NUP153: variants seen among roughly 807,000 people sequenced by gnomAD.
NUP153 encodes nucleoporin 153, also known as nuclear pore complex protein Nup153.
A neutral mutation model predicts 134.6 loss-of-function variants in NUP153; 27 were observed. The ratio of observed to expected loss-of-function variants is 0.20; its 90% confidence interval spans 0.15 to 0.28. The LOEUF (loss-of-function observed/expected upper bound fraction) is 0.28, where lower values mean the gene tolerates loss of function less well. NUP153 is among the 10% of genes least tolerant of loss of function. The pLI is 1.00. For missense variants in NUP153, 1,821 were observed against 1,731.3 expected (o/e 1.05, Z -0.92); for synonymous variants, 640 against 623.5 (o/e 1.03, Z -0.40).
In NUP153 at chr6:17,706,084, C is replaced by T. The variant is rs967166227; in HGVS notation, c.111+193G>A. Among the ~76,000 whole-genome samples, 2 of 152,236 alleles carry T rather than the reference C, an allele frequency of 1.3e-5. No homozygotes were observed. The highest frequency in any genetic ancestry group is 2.9e-5 in the Non-Finnish European group (2 of 68,042). ...AGGCGGCCCAAACCACACGTGTGCG[C>T]CGCAAGGCTGGGCCTGTCTCAGCCC... is the stretch of plus-strand genomic sequence containing the variant. On this transcript the variant is annotated intron_variant, in intron 1 of 21. Coordinates refer to ENST00000262077, the MANE Select transcript of NUP153 (RefSeq NM_005124.4). The surrounding 1 kb of genome is among the most constrained non-coding windows in gnomAD (Gnocchi z 5.9).
rs1387697255 is a variant in NUP153 at position 17,695,990 on chromosome 6, CAG to C, written c.112-7374_112-7373del. ...CACCACTGCACTCCAGCCTGGGTGA[CAG>C]AGTGAGACTCCGTCTCAAAAAAAAA... On this transcript the variant is annotated intron_variant, in intron 1 of 21. Coordinates refer to ENST00000262077, the MANE Select transcript of NUP153 (RefSeq NM_005124.4). 8.6e-5 allele frequency among the ~76,000 whole-genome samples: 13 copies of C among 151,466 alleles called. No individual in the cohort carries two copies. The South Asian group carries it at 1.9e-3, about 22-fold the overall frequency.
chr6:17,698,646 G>A (rs908356917), intron 1 of NUP153, among the ~76,000 whole-genome samples: 1 of 151,610 alleles, frequency 6.6e-6, no homozygotes, highest in African/African-American at 2.4e-5. Flanking sequence ...GCTGAGGCAG[G>A]AGAATGGCGT....
chr6:17,706,311 A>G lies in NUP153; in HGVS notation c.77T>C (p.Ile26Thr), dbSNP rs1219897982. 2 of 1,613,632 alleles carry G rather than the reference A, an allele frequency of 1.2e-6. No homozygotes were observed. The highest frequency in any genetic ancestry group is 1.7e-5 in the Admixed American group (1 of 60,010). Residue 26 changes from isoleucine (I) to threonine (T), a missense_variant, in exon 1 of 22, where the codon ATT becomes ACT. Ile to Thr is a moderately conservative substitution (Grantham distance 89). Coordinates refer to ENST00000262077, the MANE Select transcript of NUP153 (RefSeq NM_005124.4). This position sits in a 1 kb window ranked among gnomAD's most constrained non-coding sequence, Gnocchi z 5.9. ...IRTRRCHQGPIKPYQQGRQQH... is the reference protein window; with the variant it reads ...IRTRRCHQGPTKPYQQGRQQH... Reference sequence around the variant, plus strand: ...TTGTCGCCCCTGCTGGTAAGGCTTAATTGGCCCCTGGTGGCAACGCCGCGT... The same window carrying G: ...TTGTCGCCCCTGCTGGTAAGGCTTAGTTGGCCCCTGGTGGCAACGCCGCGT...
At chr6:17,684,788 C>A (rs1000729973) in intron 2 of NUP153, among the ~76,000 whole-genome samples, 1 of 152,068 alleles carries the variant, frequency 6.6e-6, no homozygotes, top group African/African-American at 2.4e-5. Flanking sequence ...TACTAATTAG[C>A]CTAATTTCAA....
rs1276056431 is a variant in NUP153, at chr6:17,661,794, G to C, written c.1269-15C>G. 6.2e-7 allele frequency: 1 copy of C among 1,606,324 alleles called. No homozygotes were observed. Among genetic ancestry groups the C allele is most frequent in the East Asian group, 2.2e-5 (1 of 44,726 alleles). On this transcript the variant is annotated splice_polypyrimidine_tract_variant and intron_variant, in intron 10 of 21. Coordinates refer to ENST00000262077, the MANE Select transcript of NUP153 (RefSeq NM_005124.4). ...ATGAAAAGCCACTGGCAAATAAAAAGAAAATTAAAACAACTGATATATTAT... is the reference window on the plus strand; with the variant it reads ...ATGAAAAGCCACTGGCAAATAAAAACAAAATTAAAACAACTGATATATTAT...
At position 17,629,231 on chromosome 6, in the gene NUP153, T is replaced by C. The variant is rs1183202576; in HGVS notation, c.2968A>G (p.Ser990Gly). ...NFKFGLSSGL[S>G]NPVSLTPFQF... is the part of the protein sequence containing the mutation. ...AATGGAGTTAAAGAAACTGGGTTGC[T>C]TAAACCAGAAGAAAGTCCAAACTTA... The change falls in exon 18 of 22, where the codon AGC (serine) becomes GGC (glycine). Residue 990 changes from serine to glycine, a missense_variant. Transcript: ENST00000262077. The C allele has an allele frequency of 6.2e-7, 1 of 1,613,570 alleles. No homozygotes were observed. The highest frequency in any genetic ancestry group is 1.1e-5 in the South Asian group (1 of 90,904).
intron 13 of NUP153, 63 bp from the exon 14 acceptor site, chr6:17,646,217 T>C (rs1427665442): frequency 8.1e-6 from 7 of 860,876 alleles, no homozygotes; most frequent in African/African-American, 1.7e-5. Flanking sequence ...AGAGCTTTTT[T>C]ATTCCCCCGA....
intron 11 of NUP153, among the ~76,000 whole-genome samples, chr6:17,649,744 T>C (rs1766407768): frequency 6.6e-6 from 1 of 152,254 alleles, no homozygotes; most frequent in Non-Finnish European, 1.5e-5. Flanking sequence ...TATAGTGTTA[T>C]AATTGTTCTA....
intron 1 of NUP153, 123 bp from the exon 2 acceptor site, chr6:17,688,741 G>C: frequency 1.5e-6 from 1 of 646,556 alleles, no homozygotes; most frequent in Non-Finnish European, 2.7e-6. Flanking sequence ...CCAAAATTCA[G>C]TTACTACAGT....
At chr6:17,703,676 T>C (rs1280529520) in intron 1 of NUP153, among the ~76,000 whole-genome samples, 1 of 148,754 alleles carries the variant, frequency 6.7e-6, no homozygotes, top group Non-Finnish European at 1.5e-5. Flanking sequence ...AAAAGGAGAG[T>C]ATTCTTTTGA....
rs1765331615 is a variant in NUP153, at chr6:17,632,857, A to AAC, written c.2465-14_2465-13insGT. The AAC allele has an allele frequency of 1.3e-6, 2 of 1,544,556 alleles. No individual in the cohort carries two copies. The highest frequency in any genetic ancestry group is 1.7e-6 in the Non-Finnish European group (2 of 1,154,796). Reference sequence around the variant, plus strand: ...GGTACTGAACTTCCTAAAAAAAAAAAAAAAAACGGGGAGTGGGGGGAGATT... The same window carrying AAC: ...GGTACTGAACTTCCTAAAAAAAAAAAACAAAAAACGGGGAGTGGGGGGAGATT... On this transcript the variant is annotated splice_polypyrimidine_tract_variant and intron_variant, in intron 16 of 21. Transcript: ENST00000262077.
chr6:17,701,927 G>T, intron 1 of NUP153, among the ~76,000 whole-genome samples: 1 of 147,828 alleles, frequency 6.8e-6, no homozygotes, highest in South Asian at 2.1e-4. Context: ...CTCTAAACCA[G>T]AAGATAAATG....
At chr6:17,683,817 C>G (rs1024829668) in intron 2 of NUP153, among the ~76,000 whole-genome samples, 2 of 152,164 alleles carry the variant, frequency 1.3e-5, no homozygotes, top group African/African-American at 4.8e-5. Context: ...AACGGCGGGC[C>G]ATGTTTCATC....
chr6:17,672,451 C>T lies in NUP153; in HGVS notation c.852+2454G>A, dbSNP rs189845203. On this transcript the variant is annotated intron_variant, in intron 5 of 21. Coordinates refer to ENST00000262077, the MANE Select transcript of NUP153 (RefSeq NM_005124.4). The stretch of plus-strand genomic sequence containing the variant: ...TTTAGCTGGGAATGGTGGCACACGC[C>T]TGTGGTCCCAGCTACTCAGGAGGCT... Among the ~76,000 whole-genome samples the T allele has an allele frequency of 4.7e-4, 71 of 152,144 alleles. 1 individual carries two copies. The highest frequency in any genetic ancestry group is 1.6e-3 in the African/African-American group (68 of 41,496).
chr6:17,688,233 A>G (rs1189217411), intron 2 of NUP153, among the ~76,000 whole-genome samples, 163 bp downstream of exon 2: 1 of 152,256 alleles, frequency 6.6e-6, no homozygotes, highest in Non-Finnish European at 1.5e-5. Flanking sequence ...TTAATAAATA[A>G]AACACTGATA....
chr6:17,662,894 A>G (rs1767279416), intron 9 of NUP153, among the ~76,000 whole-genome samples: 1 of 152,206 alleles, frequency 6.6e-6, no homozygotes, highest in East Asian at 1.9e-4. Context: ...CTATACTTCA[A>G]AATTATCAAT....
chr6:17,678,001 G>A (rs1348573567), intron 2 of NUP153, among the ~76,000 whole-genome samples: 3 of 151,950 alleles, frequency 2.0e-5, no homozygotes, highest in Non-Finnish European at 4.4e-5. Flanking sequence ...TAGAAGTGGT[G>A]GTGATGGACT....
chr6:17,656,970 G>C (rs1766857755), intron 11 of NUP153, among the ~76,000 whole-genome samples: 1 of 152,158 alleles, frequency 6.6e-6, no homozygotes, highest in South Asian at 2.1e-4. Context: ...TTGTTATCTT[G>C]CAAGTGGAGA....
At position 17,616,613 on chromosome 6, in the gene NUP153, T is replaced by G; in HGVS notation, c.4257A>C (p.Ala1419=). The G allele has an allele frequency of 6.2e-7, 1 of 1,614,238 alleles. No homozygotes were observed. The highest frequency in any genetic ancestry group is 1.1e-5 in the South Asian group (1 of 91,090). The change falls in exon 21 of 22, where the codon GCA becomes GCC. Residue 1419 remains alanine, a synonymous_variant. Transcript: ENST00000262077. ...NSPSGVFTFG[A]NSSTPAASAQ... ...CTGAGGCTGCAGGTGTGCTAGAATT[T>G]GCACCAAATGTGAACACTCCTGATG...
Sources: gnomAD v4.1 joint callset for allele counts (sites outside exome capture counted in the v4.1 genomes callset) on GRCh38, gnomAD v4.1.1 for gene constraint, Gnocchi (gnomAD v3.1) non-coding constraint, MANE v1.5 for transcripts, NCBI Gene and HGNC (gene_info 2026-07-23, HGNC 2026-07-21) for gene names.